Variants in VCP observed in about 807,000 individuals in gnomAD.
The protein encoded by VCP is valosin containing protein.
A neutral mutation model predicts 85.7 loss-of-function variants in VCP; 6 were observed. The ratio of observed to expected loss-of-function variants is 0.07; its 90% CI spans 0.04 to 0.14. The LOEUF (loss-of-function observed/expected upper bound fraction) is 0.14, where lower values mean the gene tolerates loss of function less well. Among genes scored for constraint, VCP ranks in the 10% least tolerant of loss-of-function variants. The pLI, the probability that VCP is intolerant of heterozygous loss-of-function variation, is 1.00. For missense variants in VCP, 353 were observed against 1,043.4 expected (o/e 0.34, Z 9.12); for synonymous variants, 384 against 367.1 (o/e 1.05, Z -0.53).
chr9:35,059,886 A>G lies in VCP; in HGVS notation c.1696-85T>C. The G allele has an allele frequency of 6.4e-7, 1 of 1,568,546 alleles. No homozygotes were observed. The highest frequency in any genetic ancestry group is 8.7e-7 in the Non-Finnish European group (1 of 1,143,122). ...GGTGGCTCACACCTGTATTCCCAGC[A>G]CTTTGGGAGGCCAAGGTGGGAGGAT... On this transcript the variant is annotated intron_variant, in intron 13 of 16. Coordinates refer to ENST00000358901, the MANE Select transcript of VCP (RefSeq NM_007126.5). The surrounding 1 kb of genome is among the most constrained non-coding windows in gnomAD (Gnocchi z 4.9).
intron 7 of VCP, 63 bp from the exon 8 acceptor site, chr9:35,062,413 T>C (rs1379752878): frequency 1.1e-5 from 17 of 1,611,986 alleles, no homozygotes; most frequent in Non-Finnish European, 1.4e-5. Context: ...CTCCCAAAAA[T>C]CAGTTATCTT....
intron 7 of VCP, 124 bp from the exon 8 acceptor site, chr9:35,062,474 C>T: frequency 2.1e-6 from 3 of 1,433,438 alleles, no homozygotes; most frequent in Non-Finnish European, 2.9e-6. Flanking sequence ...TAACCTCTGC[C>T]TACTTCTCAC....
Position 35,059,432 on chromosome 9 carries a change from G to A in VCP, c.2004+61C>T, listed in dbSNP as rs955944965. 4 of 1,597,984 alleles carry A rather than the reference G, an allele frequency of 2.5e-6. No individual in the cohort carries two copies. Among genetic ancestry groups the A allele is most frequent in the Admixed American group, 3.4e-5 (2 of 58,334 alleles). On this transcript the variant is annotated intron_variant, in intron 14 of 16. Transcript: ENST00000358901. The surrounding 1 kb of genome is among the most constrained non-coding windows in gnomAD (Gnocchi z 4.9). Reference sequence around the variant, plus strand: ...TGGAATCTTGTCCAGAAACTAAAGAGCACTCCGTACCAGCCTGAGGACTCA... The same window carrying A: ...TGGAATCTTGTCCAGAAACTAAAGAACACTCCGTACCAGCCTGAGGACTCA...
Position 35,057,109 on chromosome 9 carries a change from A to C in VCP, c.*8T>G, listed in dbSNP as rs1283798326. On this transcript the variant is annotated 3_prime_UTR_variant, in exon 17 of 17. Coordinates refer to ENST00000358901, the MANE Select transcript of VCP (RefSeq NM_007126.5). ...CAGGCCAGCTCACTGCACGCTGGCC[A>C]CCACCACTTAGCCATACAGGTCATC... 2 of 1,613,850 alleles carry C rather than the reference A, an allele frequency of 1.2e-6. No individual in the cohort carries two copies. The highest frequency in any genetic ancestry group is 1.7e-6 in the Non-Finnish European group (2 of 1,179,954).
At chr9:35,060,614 G>A (rs1294528566) in intron 12 of VCP, 89 bp from the exon 13 acceptor site, 10 of 1,521,742 alleles carry the variant, frequency 6.6e-6, no homozygotes, top group African/African-American at 4.1e-5. Context: ...ATTATTTCAT[G>A]GTGTACCCAA....
rs781562072 is a variant in VCP, at chr9:35,057,426, A to G, written c.2265T>C (p.Tyr755=). ...RSVSDNDIRK[Y]EMFAQTLQQS... Reference sequence around the variant, plus strand: ...GCTGAAGGGTCTGGGCAAACATCTCATACTTCCGAATGTCATTGTCACTGA... The same window carrying G: ...GCTGAAGGGTCTGGGCAAACATCTCGTACTTCCGAATGTCATTGTCACTGA... The change falls in exon 16 of 17, where the codon TAT becomes TAC. Residue 755 remains tyrosine (Y), a synonymous_variant. Coordinates refer to ENST00000358901, the MANE Select transcript of VCP (RefSeq NM_007126.5). 14 of 1,612,342 alleles carry G rather than the reference A, an allele frequency of 8.7e-6. No homozygotes were observed. The highest frequency in any genetic ancestry group is 3.3e-4 in the Middle Eastern group (2 of 6,078).
At chr9:35,066,637 T>C (rs764339895) in intron 4 of VCP, 38 bp downstream of exon 4, 5 of 1,611,178 alleles carry the variant, frequency 3.1e-6, no homozygotes, top group Non-Finnish European at 8.5e-7. Context: ...GTTTATTCCC[T>C]ACAGTCAATA....
At position 35,057,240 on chromosome 9, in the gene VCP, G is replaced by A; in HGVS notation, c.2316-18C>T. ...AAGGGAATCTGTGTACAAGAGCAAA[G>A]CCAAAAAAGAGGGTTAGGACAGGGC... On this transcript the variant is annotated intron_variant, in intron 16 of 16. Coordinates refer to ENST00000358901, the MANE Select transcript of VCP (RefSeq NM_007126.5). 6.2e-7 allele frequency: 1 copy of A among 1,614,148 alleles called. No homozygotes were observed. Among genetic ancestry groups the A allele is most frequent in the Non-Finnish European group, 8.5e-7 (1 of 1,179,992 alleles).
At position 35,057,010 on chromosome 9, in the gene VCP, T is replaced by C. The variant is rs900828112; in HGVS notation, c.*107A>G. On this transcript the variant is annotated 3_prime_UTR_variant, in exon 17 of 17. Coordinates refer to ENST00000358901, the MANE Select transcript of VCP (RefSeq NM_007126.5). ...TAGCTGAACTGTTCAGACTGGAGAA[T>C]GGAGCAGGCTGTGGGCGCACCCCTG... 5.6e-6 allele frequency: 6 copies of C among 1,065,778 alleles called. No homozygotes were observed. Among genetic ancestry groups the C allele is most frequent in the Non-Finnish European group, 8.7e-6 (6 of 691,208 alleles). 66.0% of individuals were successfully genotyped at this position (1,065,778 alleles called of 1,614,324 possible).
intron 12 of VCP, 81 bp downstream of exon 12, chr9:35,060,720 A>C: frequency 6.2e-7 from 1 of 1,611,706 alleles, no homozygotes; most frequent in Non-Finnish European, 8.5e-7. Context: ...CTCTTGCAGC[A>C]AATGTGTTGA....
intron 1 of VCP, among the ~76,000 whole-genome samples, chr9:35,070,600 C>T (rs537580402): frequency 1.6e-4 from 25 of 152,074 alleles, no homozygotes; most frequent in Non-Finnish European, 3.1e-4. Context: ...CCATGCCTGG[C>T]TACTTTTTGC....
At chr9:35,067,305 G>A (rs971785910) in intron 3 of VCP, among the ~76,000 whole-genome samples, 1 of 152,172 alleles carries the variant, frequency 6.6e-6, no homozygotes, top group African/African-American at 2.4e-5. Context: ...CCAGGTGATG[G>A]TTGGTTGGGT....
At chr9:35,060,766 G>A (rs776155081) in intron 12 of VCP, 35 bp downstream of exon 12, 41 of 1,614,024 alleles carry the variant, frequency 2.5e-5, no homozygotes, top group Non-Finnish European at 3.4e-5. Flanking sequence ...ACAATGTACT[G>A]AGACAGTGAC....
chr9:35,061,711 T>TACACAAAC, intron 9 of VCP, 22 bp from the exon 10 acceptor site: 1 of 465,730 alleles, frequency 2.1e-6, no homozygotes, highest in Non-Finnish European at 4.1e-6. Flanking sequence ...TACACAAACA[T>TACACAAAC]AAACAGGGCT....
Position 35,059,154 on chromosome 9 carries a change from A to C in VCP, c.2070T>G (p.Ile690Met). Residue 690 changes from isoleucine (I) to methionine (M), a missense_variant, in exon 15 of 17, where the codon ATT (isoleucine) becomes ATG (methionine). Transcript: ENST00000358901. The surrounding 1 kb of genome is among the most constrained non-coding windows in gnomAD (Gnocchi z 4.9). ...NGFSGADLTE[I>M]CQRACKLAIR... ...TGGCCAGCTTGCAAGCACGCTGGCA[A>C]ATCTCTGTCAGGTCAGCTCCAGAGA... 6.2e-7 allele frequency: 1 copy of C among 1,614,096 alleles called. No homozygotes were observed. The highest frequency in any genetic ancestry group is 8.5e-7 in the Non-Finnish European group (1 of 1,180,028).
At chr9:35,069,281 G>C (rs1269212665) in intron 1 of VCP, among the ~76,000 whole-genome samples, 1 of 152,138 alleles carries the variant, frequency 6.6e-6, no homozygotes, top group Non-Finnish European at 1.5e-5. Flanking sequence ...GAAATGCTGA[G>C]ACATGGGGCA....
At chr9:35,071,977 T>G in intron 1 of VCP, 1 of 1,089,228 alleles carries the variant, frequency 9.2e-7, no homozygotes, top group Non-Finnish European at 1.1e-6. Flanking sequence ...GACGGCAGAC[T>G]GGCGCCCCAA....
Position 35,072,171 on chromosome 9 carries a change from C to T in VCP, c.17+166G>A, listed in dbSNP as rs1587135345. On this transcript the variant is annotated intron_variant, in intron 1 of 16. Coordinates refer to ENST00000358901, the MANE Select transcript of VCP (RefSeq NM_007126.5). ...GCGCGGGTGCGCAGCTGGCCCCAGC[C>T]GGGCCTGCCGGGTCCACGGCCCCTC... The T allele has an allele frequency of 5.7e-6, 8 of 1,406,278 alleles. No homozygotes were observed. The East Asian group carries it at 2.5e-4, about 44-fold the overall frequency. The allele number at this position is 1,406,278 out of a possible 1,614,324, so 87.1% of individuals were successfully genotyped here. A position where few individuals can be genotyped will look rare whatever the true frequency, so the allele number is the denominator to read the frequency against.
intron 1 of VCP, chr9:35,071,910 G>C: frequency 1.0e-6 from 1 of 1,001,986 alleles, no homozygotes; most frequent in Non-Finnish European, 1.2e-6. Flanking sequence ...CTGGGGCCTC[G>C]GGCTCGCGGG....
Sources: allele counts gnomAD v4.1 joint callset (sites outside exome capture counted in the v4.1 genomes callset), GRCh38; gene constraint gnomAD v4.1.1; non-coding constraint Gnocchi (gnomAD v3.1); transcripts MANE v1.5; gene names NCBI Gene and HGNC (gene_info 2026-07-23, HGNC 2026-07-21).